The following FGF9 variants were observed in gnomAD, a reference collection of about 807,000 sequenced individuals.
FGF9 encodes fibroblast growth factor 9.
Under a neutral mutation model 19.9 loss-of-function variants are expected in FGF9, and 3 were observed. That is an observed-to-expected ratio of 0.15 (90% CI 0.07 to 0.39). The LOEUF is 0.39. Ranked by LOEUF, FGF9 falls within the 10% of genes least tolerant of loss-of-function variation. FGF9 has a pLI of 1.00. For missense variants in FGF9, 175 were observed against 256.8 expected (o/e 0.68, Z 2.18); for synonymous variants, 107 against 106.9 (o/e 1.00, Z -0.01).
In FGF9 at chr13:21,691,800, A is replaced by G. The variant is rs988628759; in HGVS notation, c.382-9390A>G. On this transcript the variant is annotated intron_variant, in intron 2 of 2. Transcript: ENST00000382353. The surrounding 1 kb of genome is among the most constrained non-coding windows in gnomAD (Gnocchi z 4.2). Reference sequence around the variant, plus strand: ...TCAGCCGGCTGGCCTGGTGTGCCTCAGTGGCACTGTGACAACCGGCTGAGA... The same window carrying G: ...TCAGCCGGCTGGCCTGGTGTGCCTCGGTGGCACTGTGACAACCGGCTGAGA... Among the ~76,000 whole-genome samples, 1 of 152,164 alleles carries G rather than the reference A, an allele frequency of 6.6e-6. No homozygotes were observed. The highest frequency in any genetic ancestry group is 1.5e-5 in the Non-Finnish European group (1 of 68,022).
chr13:21,699,362 T>C lies in FGF9; in HGVS notation c.382-1828T>C, dbSNP rs577566913. ...CTGATGCATTGTCTTTCCTTTCTGCTTCCCCCCATTTCAGCTCACTTAGCA... is the reference window on the plus strand; with the variant it reads ...CTGATGCATTGTCTTTCCTTTCTGCCTCCCCCCATTTCAGCTCACTTAGCA... On this transcript the variant is annotated intron_variant, in intron 2 of 2. Transcript: ENST00000382353. 3.2e-4 allele frequency among the ~76,000 whole-genome samples: 48 copies of C among 152,340 alleles called. 1 individual carries two copies. The highest frequency in any genetic ancestry group is 1.6e-3 in the Admixed American group (24 of 15,306).
rs1049482815 is a variant in FGF9 at position 21,671,854 on chromosome 13, C to A, written c.-59C>A. 1 of 1,603,398 alleles carries A rather than the reference C, an allele frequency of 6.2e-7. No homozygotes were observed. Among genetic ancestry groups the A allele is most frequent in the East Asian group, 2.2e-5 (1 of 44,814 alleles). ...GAGTTGGATATACCTCGCCTAATAT[C>A]TCCTGGGTTGACACCATCATTATTG... On this transcript the variant is annotated 5_prime_UTR_variant, in exon 1 of 3. Transcript: ENST00000382353.
chr13:21,671,464 C>T lies in FGF9; in HGVS notation c.-449C>T, dbSNP rs1306148642. The T allele has an allele frequency of 2.3e-6, 1 of 435,972 alleles. No individual in the cohort carries two copies. Among genetic ancestry groups the T allele is most frequent in the Admixed American group, 3.9e-5 (1 of 25,878 alleles). 27.0% of individuals were successfully genotyped at this position (435,972 alleles called of 1,614,324 possible). ...CGCATGCCTTCCTGGAGTCAGGATCCGTAAATTCTGACGTAGCCCGTGCAT... is the reference window on the plus strand; with the variant it reads ...CGCATGCCTTCCTGGAGTCAGGATCTGTAAATTCTGACGTAGCCCGTGCAT... On this transcript the variant is annotated 5_prime_UTR_variant, in exon 1 of 3. Coordinates refer to ENST00000382353, the MANE Select transcript of FGF9 (RefSeq NM_002010.3).
intron 2 of FGF9, among the ~76,000 whole-genome samples, chr13:21,699,590 T>C (rs2138148756): frequency 6.6e-6 from 1 of 152,260 alleles, no homozygotes; most frequent in South Asian, 2.1e-4. Flanking sequence ...TCTCCTCTCC[T>C]TTGCTCTCCT....
chr13:21,703,772 G>T lies in FGF9; in HGVS notation c.*2337G>T, dbSNP rs1215276055. 1.3e-5 allele frequency: 2 copies of T among 151,970 alleles called. No individual in the cohort carries two copies. Among genetic ancestry groups the T allele is most frequent in the African/African-American group, 4.8e-5 (2 of 41,366 alleles). 9.4% of individuals were successfully genotyped at this position (151,970 alleles called of 1,614,324 possible). A position where few individuals can be genotyped will look rare whatever the true frequency, so the allele number is the denominator to read the frequency against. ...CAAAAGTAGTCTTAAAGTAGCATGA[G>T]ACCTTAGATAATCGACCTAAAAGAA... On this transcript the variant is annotated 3_prime_UTR_variant, in exon 3 of 3. Coordinates refer to ENST00000382353, the MANE Select transcript of FGF9 (RefSeq NM_002010.3).
chr13:21,701,499 G>T lies in FGF9; in HGVS notation c.*64G>T. On this transcript the variant is annotated 3_prime_UTR_variant, in exon 3 of 3. Transcript: ENST00000382353. ...CCACTATAAAGGTTTCACGCGGTGG[G>T]TTCTTATTGATTCGCTGTGTCATCA... The T allele has an allele frequency of 6.2e-7, 1 of 1,611,068 alleles. No individual in the cohort carries two copies. The highest frequency in any genetic ancestry group is 8.5e-7 in the Non-Finnish European group (1 of 1,177,948).
At chr13:21,689,632 A>G in intron 2 of FGF9, among the ~76,000 whole-genome samples, 1 of 152,180 alleles carries the variant, frequency 6.6e-6, no homozygotes, top group East Asian at 1.9e-4. Flanking sequence ...TTGCACTTCT[A>G]AGTGTCTTAT....
At position 21,671,564 on chromosome 13, in the gene FGF9, C is replaced by A. The variant is rs1422883582; in HGVS notation, c.-349C>A. On this transcript the variant is annotated 5_prime_UTR_variant, in exon 1 of 3. Coordinates refer to ENST00000382353, the MANE Select transcript of FGF9 (RefSeq NM_002010.3). ...TCTGATCTCAAACCAAATGGAGAAA[C>A]TACGGATTTTTTTTCCTTATTACGG... 2.0e-6 allele frequency: 1 copy of A among 498,740 alleles called. No homozygotes were observed. Among genetic ancestry groups the A allele is most frequent in the Middle Eastern group, 5.0e-4 (1 of 1,984 alleles). The allele number at this position is 498,740 out of a possible 1,614,324, so 30.9% of individuals were successfully genotyped here.
chr13:21,700,613 G>A (rs929251520), intron 2 of FGF9, among the ~76,000 whole-genome samples: 10 of 152,212 alleles, frequency 6.6e-5, no homozygotes, highest in Admixed American at 2.0e-4. Flanking sequence ...TCTGCAGCAG[G>A]TACTTTATAA....
rs970935949 is a variant in FGF9 at position 21,672,334 on chromosome 13, G to C, written c.277+145G>C. On this transcript the variant is annotated intron_variant, in intron 1 of 2. Coordinates refer to ENST00000382353, the MANE Select transcript of FGF9 (RefSeq NM_002010.3). The surrounding 1 kb of genome is among the most constrained non-coding windows in gnomAD (Gnocchi z 4.2). Reference sequence around the variant, plus strand: ...TGTATCTCTGTCTCTCTCTCTCTCTGTCTTGCCAGCTCCGAAAAAAAAATG... The same window carrying C: ...TGTATCTCTGTCTCTCTCTCTCTCTCTCTTGCCAGCTCCGAAAAAAAAATG... 3.3e-5 allele frequency: 30 copies of C among 900,886 alleles called. 1 individual carries two copies. The highest frequency in any genetic ancestry group is 8.7e-5 in the South Asian group (6 of 68,910). 55.8% of individuals were successfully genotyped at this position (900,886 alleles called of 1,614,324 possible).
At position 21,701,813 on chromosome 13, in the gene FGF9, C is replaced by T. The variant is rs561748523; in HGVS notation, c.*378C>T. ...GCCTGATGCATGCTGGAAAAAGACA[C>T]GCTTTTCATTTCTGATCAGTTGTAC... is the stretch of plus-strand genomic sequence containing the variant. On this transcript the variant is annotated 3_prime_UTR_variant, in exon 3 of 3. Transcript: ENST00000382353. 8.2e-4 allele frequency: 225 copies of T among 274,996 alleles called. 2 individuals carry two copies. The highest frequency in any genetic ancestry group is 1.9e-3 in the South Asian group (45 of 23,308). 17.0% of individuals were successfully genotyped at this position (274,996 alleles called of 1,614,324 possible).
Position 21,672,240 on chromosome 13 carries a change from A to G in FGF9, c.277+51A>G, listed in dbSNP as rs1409022274. On this transcript the variant is annotated intron_variant, in intron 1 of 2. Coordinates refer to ENST00000382353, the MANE Select transcript of FGF9 (RefSeq NM_002010.3). This position sits in a 1 kb window ranked among gnomAD's most constrained non-coding sequence, Gnocchi z 4.2. ...GTCCATGAGATGACATGTTGAAATT[A>G]TAACTACCAAGAAGGTGGTGGCCGG... 9 of 1,606,778 alleles carry G rather than the reference A, an allele frequency of 5.6e-6. No individual in the cohort carries two copies. The Admixed American group carries it at 6.7e-5, about 12-fold the overall frequency.
Position 21,691,506 on chromosome 13 carries a change from CTCA to C in FGF9, c.382-9681_382-9679del, listed in dbSNP as rs1872289319. ...TCTGTGGTCTTTCCTCTGTCCCTGC[CTCA>C]TCTGCCTCATCTTGTCTCTGCTTCT... On this transcript the variant is annotated intron_variant, in intron 2 of 2. Transcript: ENST00000382353. The surrounding 1 kb of genome is among the most constrained non-coding windows in gnomAD (Gnocchi z 4.2). Among the ~76,000 whole-genome samples, 1 of 152,216 alleles carries C rather than the reference CTCA, an allele frequency of 6.6e-6. No homozygotes were observed. Among genetic ancestry groups the C allele is most frequent in the Admixed American group, 6.5e-5 (1 of 15,282 alleles).
intron 2 of FGF9, among the ~76,000 whole-genome samples, chr13:21,684,161 C>A (rs186012132): frequency 2.0e-4 from 30 of 152,376 alleles, no homozygotes; most frequent in African/African-American, 7.0e-4. Context: ...GCAAAACCTT[C>A]ATTACACCCC....
In FGF9 at chr13:21,702,137, G is replaced by A. The variant is rs983063697; in HGVS notation, c.*702G>A. The A allele has an allele frequency of 2.0e-5, 3 of 151,914 alleles. No individual in the cohort carries two copies. The highest frequency in any genetic ancestry group is 4.4e-5 in the Non-Finnish European group (3 of 67,974). 9.4% of individuals were successfully genotyped at this position (151,914 alleles called of 1,614,324 possible). Reference sequence around the variant, plus strand: ...TACAGGCCAGATAGGCATTTTGGAAGCTTTAGGCTCTGTAAGCATTAAATG... The same window carrying A: ...TACAGGCCAGATAGGCATTTTGGAAACTTTAGGCTCTGTAAGCATTAAATG... On this transcript the variant is annotated 3_prime_UTR_variant, in exon 3 of 3. Coordinates refer to ENST00000382353, the MANE Select transcript of FGF9 (RefSeq NM_002010.3).
rs1025095632 is a variant in FGF9, at chr13:21,702,838, A to C, written c.*1403A>C. On this transcript the variant is annotated 3_prime_UTR_variant, in exon 3 of 3. Transcript: ENST00000382353. ...ATGAAACTAATAAATCGTTATCAAT[A>C]ATGACAATGAGGGGGAAAGTATTAT... is the stretch of plus-strand genomic sequence containing the variant. 1.3e-5 allele frequency: 2 copies of C among 152,234 alleles called. No individual in the cohort carries two copies. Among genetic ancestry groups the C allele is most frequent in the African/African-American group, 4.8e-5 (2 of 41,474 alleles). The allele number at this position is 152,234 out of a possible 1,614,324, so 9.4% of individuals were successfully genotyped here. A position where few individuals can be genotyped will look rare whatever the true frequency, so the allele number is the denominator to read the frequency against.
At chr13:21,688,729 T>C (rs1872216667) in intron 2 of FGF9, among the ~76,000 whole-genome samples, 1 of 151,336 alleles carries the variant, frequency 6.6e-6, no homozygotes, top group African/African-American at 2.4e-5. Context: ...TTAATATTTC[T>C]TACACAGATG....
rs1872551241 is a variant in FGF9 at position 21,701,735 on chromosome 13, G to A, written c.*300G>A. The A allele has an allele frequency of 2.6e-6, 1 of 381,186 alleles. No individual in the cohort carries two copies. Among genetic ancestry groups the A allele is most frequent in the East Asian group, 5.8e-5 (1 of 17,388 alleles). The allele number at this position is 381,186 out of a possible 1,614,324, so 23.6% of individuals were successfully genotyped here. On this transcript the variant is annotated 3_prime_UTR_variant, in exon 3 of 3. Coordinates refer to ENST00000382353, the MANE Select transcript of FGF9 (RefSeq NM_002010.3). Reference sequence around the variant, plus strand: ...TGTGTGTGTGTGTGTGTGTGTGTGTGTGTGTATGTGTGTAGCGGGAGATGT... The same window carrying A: ...TGTGTGTGTGTGTGTGTGTGTGTGTATGTGTATGTGTGTAGCGGGAGATGT...
At chr13:21,673,700 T>C (rs956372067) in intron 1 of FGF9, among the ~76,000 whole-genome samples, 15 of 151,822 alleles carry the variant, frequency 9.9e-5, no homozygotes, top group African/African-American at 3.1e-4. Context: ...TGGGCGGCCC[T>C]GGGTGGGCGA....
Sources: gnomAD v4.1 joint callset for allele counts (sites outside exome capture counted in the v4.1 genomes callset) on GRCh38, gnomAD v4.1.1 for gene constraint, Gnocchi (gnomAD v3.1) non-coding constraint, MANE v1.5 for transcripts, NCBI Gene and HGNC (gene_info 2026-07-23, HGNC 2026-07-21) for gene names.